Variants in GALNT13 observed in about 807,000 individuals in gnomAD.
GALNT13 encodes UDP-GalNAc:polypeptide N-acetylgalactosaminyltransferase 13.
Under a neutral mutation model 64.2 loss-of-function variants are expected in GALNT13, and 28 were observed. That is an observed-to-expected ratio of 0.44 (90% CI 0.32 to 0.60). GALNT13 has a LOEUF of 0.60. Among genes scored for constraint, GALNT13 ranks in the 20% least tolerant of loss-of-function variants. The probability of loss-of-function intolerance (pLI) is 0.05; values close to 1 mark genes in which losing one functional copy is unlikely to be tolerated. For synonymous variants in GALNT13, 214 were observed against 224.6 expected, an observed-to-expected ratio of 0.95 and a Z score of 0.42; for missense variants, 577 against 669.8, an observed-to-expected ratio of 0.86 and a Z score of 1.53.
intron 4 of GALNT13, among the ~76,000 whole-genome samples, chr2:154,196,105 A>G (rs972320859): frequency 2.6e-5 from 4 of 152,202 alleles, no homozygotes; most frequent in African/African-American, 7.2e-5. Context: ...ACTGAGACCT[A>G]TGAACACAAT....
At chr2:153,090,100 T>C in the GALNT13 span, among the ~76,000 whole-genome samples, 1 of 152,176 alleles carries the variant, frequency 6.6e-6, no homozygotes, top group East Asian at 1.9e-4. Context: ...CTTTTCAGTC[T>C]GGAACTCAAG....
the GALNT13 span, among the ~76,000 whole-genome samples, chr2:153,814,323 C>T: frequency 6.6e-6 from 1 of 152,098 alleles, no homozygotes; most frequent in African/African-American, 2.4e-5. Context: ...GCCTGTAGTC[C>T]CAGCTACTGG....
intron 4 of GALNT13, among the ~76,000 whole-genome samples, chr2:154,235,245 T>C (rs1295573979): frequency 1.3e-5 from 2 of 152,154 alleles, no homozygotes; most frequent in Non-Finnish European, 2.9e-5. Flanking sequence ...AAAATAAAGA[T>C]GTTTGGAGCA....
chr2:153,385,281 C>T, the GALNT13 span, among the ~76,000 whole-genome samples: 1 of 151,974 alleles, frequency 6.6e-6, no homozygotes, highest in Non-Finnish European at 1.5e-5. Context: ...GTGGAAACAA[C>T]CTAAGTGTCC....
intron 4 of GALNT13, among the ~76,000 whole-genome samples, chr2:154,219,825 T>G (rs1245053542): frequency 6.6e-6 from 1 of 152,074 alleles, no homozygotes; most frequent in Non-Finnish European, 1.5e-5. Flanking sequence ...CTAGCAGACA[T>G]TATGATTTGC....
At chr2:154,090,602 A>G (rs570376821) in intron 3 of GALNT13, among the ~76,000 whole-genome samples, 1 of 152,076 alleles carries the variant, frequency 6.6e-6, no homozygotes, top group African/African-American at 2.4e-5. Context: ...CTGAGCTTCT[A>G]CCACAGTCTC....
the GALNT13 span, among the ~76,000 whole-genome samples, chr2:153,195,314 C>T: frequency 6.6e-6 from 1 of 152,140 alleles, no homozygotes; most frequent in Non-Finnish European, 1.5e-5. Context: ...GCAGGCTGTG[C>T]TCAGCTCACC....
intron 4 of GALNT13, among the ~76,000 whole-genome samples, chr2:154,181,915 T>TA (rs1182381197): frequency 2.6e-5 from 4 of 152,050 alleles, no homozygotes; most frequent in Non-Finnish European, 5.9e-5. Context: ...TCTTTTTTTT[T>TA]ATGTTTATAT....
the GALNT13 span, among the ~76,000 whole-genome samples, chr2:153,822,648 C>T: frequency 6.6e-6 from 1 of 150,882 alleles, no homozygotes; most frequent in African/African-American, 2.5e-5. Context: ...AAGCTGGAAG[C>T]ATTCCCCTTA....
the GALNT13 span, among the ~76,000 whole-genome samples, chr2:153,461,393 A>T: frequency 6.6e-6 from 1 of 152,106 alleles, no homozygotes; most frequent in African/African-American, 2.4e-5. Context: ...TGATAGAATT[A>T]AGTAAGCAAG....
the GALNT13 span, among the ~76,000 whole-genome samples, chr2:153,785,306 A>G: frequency 2.4e-4 from 37 of 152,108 alleles, no homozygotes; most frequent in Middle Eastern, 3.4e-3. Flanking sequence ...GGGGTCCCCA[A>G]CCACCCTGGG....
At chr2:153,981,659 A>C (rs1169697411) in intron 3 of GALNT13, among the ~76,000 whole-genome samples, 1 of 152,052 alleles carries the variant, frequency 6.6e-6, no homozygotes, top group Non-Finnish European at 1.5e-5. Flanking sequence ...GCTATTGTGA[A>C]TAGTGCTGCG....
At chr2:153,972,028 T>C (rs1240398258) in intron 3 of GALNT13, among the ~76,000 whole-genome samples, 3 of 151,996 alleles carry the variant, frequency 2.0e-5, no homozygotes, top group Non-Finnish European at 4.4e-5. Context: ...GCAGAGAGTA[T>C]AGTTATGTTG....
At chr2:153,884,064 A>G (rs993679986) in intron 1 of GALNT13, among the ~76,000 whole-genome samples, 1 of 152,034 alleles carries the variant, frequency 6.6e-6, no homozygotes, top group African/African-American at 2.4e-5. Flanking sequence ...GAATAGTAGC[A>G]TATCACAAAA....
the GALNT13 span, among the ~76,000 whole-genome samples, chr2:153,340,521 G>GGA: frequency 1.3e-5 from 2 of 152,026 alleles, no homozygotes; most frequent in African/African-American, 4.8e-5. Flanking sequence ...TGAGTGCATT[G>GGA]GTGTGTGCCT....
the GALNT13 span, among the ~76,000 whole-genome samples, chr2:153,148,366 C>T: frequency 6.6e-6 from 1 of 151,790 alleles, no homozygotes; most frequent in African/African-American, 2.4e-5. Context: ...TAGGCAGCAG[C>T]TGCTGTCTCT....
the GALNT13 span, among the ~76,000 whole-genome samples, chr2:153,501,030 T>C: frequency 2.0e-5 from 3 of 152,066 alleles, no homozygotes; most frequent in African/African-American, 7.2e-5. Flanking sequence ...TCCGGATATT[T>C]CAGGGGCCCT....
chr2:153,509,421 C>T, the GALNT13 span, among the ~76,000 whole-genome samples: 1 of 152,350 alleles, frequency 6.6e-6, no homozygotes, highest in African/African-American at 2.4e-5. Context: ...CTGCTTCAGA[C>T]GGGCCACCGC....
At chr2:153,370,643 T>C in the GALNT13 span, 2 of 152,156 alleles carry the variant, frequency 1.3e-5, no homozygotes. Context: ...CCCCTGCTCT[T>C]CCCAAAGCCA....
Sources: allele counts gnomAD v4.1 joint callset (sites outside exome capture counted in the v4.1 genomes callset), GRCh38; gene constraint gnomAD v4.1.1; transcripts MANE v1.5; gene names NCBI Gene and HGNC (gene_info 2026-07-23, HGNC 2026-07-21).